HDAC4: variants seen among roughly 807,000 people sequenced by gnomAD.
HDAC4 encodes the protein histone deacetylase A.
A neutral mutation model predicts 135.1 loss-of-function variants in HDAC4; 16 were observed. The observed-to-expected ratio is 0.12, with a 90% CI of 0.08 to 0.18. HDAC4 has a LOEUF of 0.18. Among genes scored for constraint, HDAC4 ranks in the 10% least tolerant of loss-of-function variants. The pLI, the probability that HDAC4 is intolerant of heterozygous loss-of-function variation, is 1.00. For missense variants in HDAC4, 1,143 were observed against 1,511.8 expected (o/e 0.76, Z 4.05); for synonymous variants, 685 against 653.4 (o/e 1.05, Z -0.74).
rs2041250700 is a variant in HDAC4 at position 239,139,978 on chromosome 2, T to C, written c.866-182A>G. ...AGAAAGTATGATGCTGATTTCTGAT[T>C]TTCCAGTTTTGCCACTGACTTCACT... On this transcript the variant is annotated intron_variant, in intron 8 of 26. Coordinates refer to ENST00000543185, the MANE Select transcript of HDAC4 (RefSeq NM_001378414.1). The surrounding 1 kb of genome is among the most constrained non-coding windows in gnomAD (Gnocchi z 5.3). Among the ~76,000 whole-genome samples the C allele has an allele frequency of 6.6e-6, 1 of 152,246 alleles. No individual in the cohort carries two copies.
chr2:239,179,334 T>C (rs1414148801), intron 4 of HDAC4, among the ~76,000 whole-genome samples: 1 of 152,140 alleles, frequency 6.6e-6, no homozygotes, highest in Non-Finnish European at 1.5e-5. Context: ...TGTTAGGAAA[T>C]GGGCCACAAA....
chr2:239,292,989 A>C (rs2125527528), intron 2 of HDAC4, among the ~76,000 whole-genome samples: 1 of 152,330 alleles, frequency 6.6e-6, no homozygotes, highest in Admixed American at 6.5e-5. Context: ...TTTTACTTAA[A>C]AAAATAACAG....
chr2:239,153,894 C>T (rs3791501), intron 7 of HDAC4, among the ~76,000 whole-genome samples: 79,569 of 152,124 alleles, frequency 0.52, 21,593 homozygotes, highest in South Asian at 0.75. Flanking sequence ...GGGAGAAAGG[C>T]CTCTGATGGT....
chr2:239,392,681 G>A (rs1041729637), intron 1 of HDAC4, among the ~76,000 whole-genome samples: 13 of 152,200 alleles, frequency 8.5e-5, no homozygotes, highest in African/African-American at 2.9e-4. Flanking sequence ...CTGAGCTTAC[G>A]GGGCTCGGAC....
At chr2:239,371,233 C>T (rs1025234650) in intron 1 of HDAC4, among the ~76,000 whole-genome samples, 3 of 152,216 alleles carry the variant, frequency 2.0e-5, no homozygotes, top group East Asian at 3.9e-4. Flanking sequence ...CATATAAACA[C>T]GTGTGTCACT....
At chr2:239,243,679 A>C (rs1029280609) in intron 2 of HDAC4, among the ~76,000 whole-genome samples, 6 of 152,324 alleles carry the variant, frequency 3.9e-5, no homozygotes, top group African/African-American at 1.4e-4. Context: ...ATATTTTTCA[A>C]ACAAAGGTGT....
At chr2:239,293,862 C>A (rs1413686863) in intron 2 of HDAC4, among the ~76,000 whole-genome samples, 1 of 152,242 alleles carries the variant, frequency 6.6e-6, no homozygotes, top group Non-Finnish European at 1.5e-5. Flanking sequence ...CGCCAGCCTC[C>A]TTCCTCCTTA....
Position 239,334,607 on chromosome 2 carries a change from T to G in HDAC4, c.22+18071A>C, listed in dbSNP as rs185362189. On this transcript the variant is annotated intron_variant, in intron 2 of 26. Coordinates refer to ENST00000543185, the MANE Select transcript of HDAC4 (RefSeq NM_001378414.1). ...AGAAATTACAGATGCTCGAAAAAAA[T>G]AGAGAGACGTAGCATATTCGTAGAT... Among the ~76,000 whole-genome samples the G allele has an allele frequency of 3.6e-4, 54 of 151,916 alleles. No individual in the cohort carries two copies. In the East Asian group the frequency reaches 7.2e-3, roughly 20 times the overall value.
intron 7 of HDAC4, among the ~76,000 whole-genome samples, chr2:239,145,830 G>A (rs1469456709): frequency 3.3e-5 from 5 of 152,220 alleles, no homozygotes; most frequent in African/African-American, 1.2e-4. Context: ...GACTGATGTG[G>A]CTGGGCGATG....
intron 12 of HDAC4, among the ~76,000 whole-genome samples, chr2:239,116,932 C>G (rs1418223808): frequency 6.6e-6 from 1 of 152,222 alleles, no homozygotes; most frequent in Non-Finnish European, 1.5e-5. Context: ...TCCTCCAGCA[C>G]CCCCCGACCC....
chr2:239,320,409 A>AAAC (rs2053269519), intron 2 of HDAC4, among the ~76,000 whole-genome samples: 1 of 44,360 alleles, frequency 2.3e-5, no homozygotes, highest in African/African-American at 1.1e-4. Context: ...AAAAAGTGAT[A>AAAC]AATCAAACAA....
chr2:239,202,906 G>A (rs1446653945), intron 3 of HDAC4, among the ~76,000 whole-genome samples: 1 of 152,236 alleles, frequency 6.6e-6, no homozygotes, highest in African/African-American at 2.4e-5. Flanking sequence ...GGAAGGCAAA[G>A]AGCATTGACA....
Position 239,199,563 on chromosome 2 carries a change from C to T in HDAC4, c.95-9486G>A, listed in dbSNP as rs529241141. ...TGGGTCTCGTGGCAGCCTCCAAACT[C>T]GAGCAGTGAGGAGGGTGTGTTTTCC... On this transcript the variant is annotated intron_variant, in intron 3 of 26. Transcript: ENST00000543185. Among the ~76,000 whole-genome samples, 15 of 152,234 alleles carry T rather than the reference C, an allele frequency of 9.9e-5. No individual in the cohort carries two copies. The South Asian group carries it at 1.7e-3, about 17-fold the overall frequency.
At chr2:239,090,225 A>T (rs1418985649) in intron 17 of HDAC4, 109 bp from the exon 18 acceptor site, 1 of 767,674 alleles carries the variant, frequency 1.3e-6, no homozygotes, top group African/African-American at 1.7e-5. Context: ...CTGAAACCCC[A>T]GGGCCTACCA....
intron 2 of HDAC4, among the ~76,000 whole-genome samples, chr2:239,329,722 G>T (rs1224798251): frequency 6.6e-6 from 1 of 152,222 alleles, no homozygotes; most frequent in Non-Finnish European, 1.5e-5. Flanking sequence ...CTCAGGGCCT[G>T]GGCTGGGCTA....
At chr2:239,119,099 C>A (rs1241975952) in intron 12 of HDAC4, among the ~76,000 whole-genome samples, 2 of 152,144 alleles carry the variant, frequency 1.3e-5, no homozygotes, top group Non-Finnish European at 2.9e-5. Flanking sequence ...AGAGGGCACC[C>A]ATACGCTCAG....
intron 3 of HDAC4, among the ~76,000 whole-genome samples, chr2:239,227,571 T>C (rs1202547383): frequency 1.3e-5 from 2 of 152,100 alleles, no homozygotes; most frequent in African/African-American, 2.4e-5. Flanking sequence ...AGGCAGAGCC[T>C]GGACAGACAG....
chr2:239,156,680 G>C lies in HDAC4; in HGVS notation c.705C>G (p.Ala235=). Residue 235 remains alanine, a synonymous_variant, in exon 7 of 27, where the codon GCC becomes GCG. Coordinates refer to ENST00000543185, the MANE Select transcript of HDAC4 (RefSeq NM_001378414.1). ...TTTTCCTAAGAGGGAAGTCATCTTT[G>C]GCGTCGTACATTCCCAGGACCGGGT... The part of the protein sequence containing the change: ...YNHPVLGMYD[A]KDDFPLRKTA... 2.5e-6 allele frequency: 4 copies of C among 1,614,132 alleles called. No homozygotes were observed. Among genetic ancestry groups the C allele is most frequent in the Non-Finnish European group, 3.4e-6 (4 of 1,180,022 alleles).
At chr2:239,081,962 G>A in intron 21 of HDAC4, 140 bp downstream of exon 21, 1 of 834,252 alleles carries the variant, frequency 1.2e-6, no homozygotes, top group East Asian at 2.5e-5. Context: ...ACGTCTGACT[G>A]AAGTTACTGT....
Sources: allele counts gnomAD v4.1 joint callset (sites outside exome capture counted in the v4.1 genomes callset), GRCh38; gene constraint gnomAD v4.1.1; non-coding constraint Gnocchi (gnomAD v3.1); transcripts MANE v1.5; gene names NCBI Gene and HGNC (gene_info 2026-07-23, HGNC 2026-07-21).